Variants in SSPN observed in about 807,000 individuals in gnomAD.
SSPN encodes K-ras oncogene-associated protein.
In SSPN, 15 loss-of-function variants were observed where a neutral mutation model predicts 19.1. The observed-to-expected ratio is 0.78, with a 90% CI of 0.52 to 1.21. The LOEUF is 1.21. Ranked by LOEUF, SSPN falls within the 50% of genes most tolerant of loss-of-function variation. The probability of loss-of-function intolerance (pLI) is 0.00; values close to 1 mark genes in which losing one functional copy is unlikely to be tolerated. For synonymous variants in SSPN, 147 were observed against 140.3 expected, an observed-to-expected ratio of 1.05 and a Z score of -0.34; for missense variants, 291 against 314.0, an observed-to-expected ratio of 0.93 and a Z score of 0.55.
chr12:26,208,022 G>GT (rs1166030180), intron 1 of SSPN, among the ~76,000 whole-genome samples: 23 of 119,878 alleles, frequency 1.9e-4, no homozygotes, highest in Non-Finnish European at 3.8e-4. Context: ...TGGTGGTGGG[G>GT]GGGGGGGATA....
intron 1 of SSPN, among the ~76,000 whole-genome samples, chr12:26,154,420 C>A (rs1018145545): frequency 1.3e-5 from 2 of 152,154 alleles, no homozygotes; most frequent in Non-Finnish European, 2.9e-5. Context: ...TAGAGTATGA[C>A]ACCTGAAATC....
At chr12:26,200,189 AC>A (rs1944865610) in intron 1 of SSPN, among the ~76,000 whole-genome samples, 1 of 152,144 alleles carries the variant, frequency 6.6e-6, no homozygotes, top group Non-Finnish European at 1.5e-5. Flanking sequence ...TGGAGTAAAA[AC>A]CCTGAGATAA....
Position 26,231,021 on chromosome 12 carries a change from T to G in SSPN, c.677T>G (p.Val226Gly). The change falls in exon 3 of 3, where the codon GTG (valine) becomes GGG (glycine). Residue 226 changes from valine to glycine, a missense_variant. This residue lies in a region of SSPN where 141 missense variants were observed against 166.7 expected (regional missense o/e 0.85). Coordinates refer to ENST00000242729, the MANE Select transcript of SSPN (RefSeq NM_005086.5). ...AAACATAGGTACCAGGTCTTCTATG[T>G]GGGTGTCAGGATATGCTCCCTCACG... ...MWKHRYQVFY[V>G]GVRICSLTAS... is the part of the protein sequence containing the mutation. 6.2e-7 allele frequency: 1 copy of G among 1,614,160 alleles called. No homozygotes were observed. Among genetic ancestry groups the G allele is most frequent in the Non-Finnish European group, 8.5e-7 (1 of 1,180,038 alleles).
At chr12:26,184,204 C>T (rs980502747) in intron 1 of SSPN, among the ~76,000 whole-genome samples, 2 of 152,146 alleles carry the variant, frequency 1.3e-5, no homozygotes, top group Admixed American at 1.3e-4. Flanking sequence ...TAAGGAATTC[C>T]TTTTTGGGAT....
At chr12:26,222,104 G>T (rs1282541752) in intron 1 of SSPN, among the ~76,000 whole-genome samples, 1 of 152,010 alleles carries the variant, frequency 6.6e-6, no homozygotes, top group African/African-American at 2.4e-5. Flanking sequence ...TGCCTCCCTG[G>T]GTCCTATCTG....
At chr12:26,177,987 A>G (rs1427334336) in intron 1 of SSPN, among the ~76,000 whole-genome samples, 1 of 152,218 alleles carries the variant, frequency 6.6e-6, no homozygotes, top group Non-Finnish European at 1.5e-5. Flanking sequence ...GTCTAAGCTC[A>G]CTGACTGGCC....
intron 1 of SSPN, chr12:26,124,827 CAAT>C (rs1415997535): frequency 1.3e-6 from 2 of 1,592,948 alleles, no homozygotes; most frequent in South Asian, 2.2e-5. Flanking sequence ...GGGCTCTGTA[CAAT>C]AATCTGTGGG....
At chr12:26,199,019 C>A (rs1258988282) in intron 1 of SSPN, among the ~76,000 whole-genome samples, 1 of 152,194 alleles carries the variant, frequency 6.6e-6, no homozygotes, top group African/African-American at 2.4e-5. Context: ...TTCCATGCTT[C>A]ATTCTTCTGT....
chr12:26,210,435 G>A (rs1429107670), intron 1 of SSPN, among the ~76,000 whole-genome samples: 1 of 151,878 alleles, frequency 6.6e-6, no homozygotes, highest in Non-Finnish European at 1.5e-5. Context: ...ATACACTGCA[G>A]TTGACTCATA....
intron 1 of SSPN, among the ~76,000 whole-genome samples, chr12:26,207,729 C>T (rs558033938): frequency 2.0e-5 from 3 of 152,266 alleles, no homozygotes; most frequent in African/African-American, 7.2e-5. Flanking sequence ...GGTACAGTGG[C>T]TCACACCTGT....
chr12:26,122,626 CGCCGCCCCCCGGGCCGCCGCCGCT>C, intron 1 of SSPN: 2 of 1,205,690 alleles, frequency 1.7e-6, no homozygotes, highest in Non-Finnish European at 2.1e-6. Flanking sequence ...GCCGCCGCCG[CGCCGCCCCCCGGGCCGCCGCCGCT>C]GCCGCCGCCG....
At chr12:26,143,331 T>C (rs1265826130) in intron 1 of SSPN, among the ~76,000 whole-genome samples, 1 of 152,236 alleles carries the variant, frequency 6.6e-6, no homozygotes, top group African/African-American at 2.4e-5. Flanking sequence ...GTGCTTATTA[T>C]GTTCCAGGTG....
At chr12:26,209,332 A>C (rs1190376627) in intron 1 of SSPN, among the ~76,000 whole-genome samples, 1 of 152,136 alleles carries the variant, frequency 6.6e-6, no homozygotes, top group Non-Finnish European at 1.5e-5. Context: ...TGCTTGGGAA[A>C]AATGTGGATT....
intron 1 of SSPN, among the ~76,000 whole-genome samples, chr12:26,186,271 C>T (rs1224305405): frequency 6.6e-6 from 1 of 151,844 alleles, no homozygotes; most frequent in East Asian, 1.9e-4. Flanking sequence ...TGGCTAAAAA[C>T]TGGTGCCTAT....
intron 1 of SSPN, among the ~76,000 whole-genome samples, chr12:26,203,841 C>A (rs891730371): frequency 1.3e-5 from 2 of 152,146 alleles, no homozygotes; most frequent in Non-Finnish European, 2.9e-5. Context: ...TCCTGGCTTG[C>A]AGGCGGCTGC....
At chr12:26,122,267 G>A (rs1258744285) in intron 1 of SSPN, 2 of 1,221,922 alleles carry the variant, frequency 1.6e-6, no homozygotes, top group Non-Finnish European at 2.0e-6. Flanking sequence ...ACAACACCGA[G>A]GACAGGCAGG....
intron 1 of SSPN, among the ~76,000 whole-genome samples, chr12:26,162,661 G>T (rs1944596372): frequency 6.6e-6 from 1 of 152,156 alleles, no homozygotes; most frequent in Non-Finnish European, 1.5e-5. Context: ...TCAAAACACG[G>T]CATGCAAATG....
At chr12:26,226,373 A>G (rs1169931245) in intron 2 of SSPN, among the ~76,000 whole-genome samples, 1 of 152,040 alleles carries the variant, frequency 6.6e-6, no homozygotes, top group African/African-American at 2.4e-5. Flanking sequence ...TTGTTAGAGG[A>G]TTTATTTCCT....
Position 26,233,127 on chromosome 12 carries a change from C to G in SSPN, c.*2051C>G, listed in dbSNP as rs1419050319. ...AGCACATCCCGAATTTCTTTAACAA[C>G]AACATTTTATAGTGAACACTACAAG... On this transcript the variant is annotated 3_prime_UTR_variant, in exon 3 of 3. Coordinates refer to ENST00000242729, the MANE Select transcript of SSPN (RefSeq NM_005086.5). The surrounding 1 kb of genome is among the most constrained non-coding windows in gnomAD (Gnocchi z 4.3). 1 of 151,938 alleles carries G rather than the reference C, an allele frequency of 6.6e-6. No homozygotes were observed. The highest frequency in any genetic ancestry group is 1.5e-5 in the Non-Finnish European group (1 of 67,966). The allele number at this position is 151,938 out of a possible 1,614,324, so 9.4% of individuals were successfully genotyped here. A position where few individuals can be genotyped will look rare whatever the true frequency, so the allele number is the denominator to read the frequency against.
Sources: gnomAD v4.1 joint callset for allele counts (sites outside exome capture counted in the v4.1 genomes callset) on GRCh38, gnomAD v4.1.1 for gene constraint, gnomAD v4.1.1 regional missense constraint, Gnocchi (gnomAD v3.1) non-coding constraint, MANE v1.5 for transcripts, NCBI Gene and HGNC (gene_info 2026-07-23, HGNC 2026-07-21) for gene names.